Variants in GNB5 observed in about 807,000 individuals in gnomAD.
GNB5 encodes the protein guanine nucleotide-binding protein subunit beta-5.
In GNB5, 37 loss-of-function variants were observed where a neutral mutation model predicts 55.3. The observed-to-expected ratio is 0.67, with a 90% CI of 0.51 to 0.88. The LOEUF is 0.88. GNB5 is among the 40% of genes least tolerant of loss of function. The pLI is 0.00. For missense variants in GNB5, 476 were observed against 515.3 expected, an observed-to-expected ratio of 0.92 and a Z score of 0.74; for synonymous variants, 219 against 198.5, an observed-to-expected ratio of 1.10 and a Z score of -0.87.
chr15:52,137,539 G>A (rs1254342523), intron 7 of GNB5: 35 of 1,021,454 alleles, frequency 3.4e-5, no homozygotes, highest in Non-Finnish European at 4.0e-5. Context: ...GGAAACTCTG[G>A]CAGAGGCCCA....
chr15:52,185,008 G>A (rs1017655989), intron 1 of GNB5, among the ~76,000 whole-genome samples: 12 of 152,206 alleles, frequency 7.9e-5, no homozygotes, highest in African/African-American at 2.9e-4. Context: ...TTTCACAATG[G>A]AAAACGTTTT....
At chr15:52,167,421 G>A (rs932166888) in intron 3 of GNB5, among the ~76,000 whole-genome samples, 4 of 152,178 alleles carry the variant, frequency 2.6e-5, no homozygotes, top group Non-Finnish European at 5.9e-5. Context: ...TGTAATCCCA[G>A]CACTTTGGGA....
intron 9 of GNB5, among the ~76,000 whole-genome samples, chr15:52,131,335 T>C (rs928605068): frequency 6.6e-6 from 1 of 152,234 alleles, no homozygotes; most frequent in Admixed American, 6.5e-5. Flanking sequence ...TTGTAAGTAA[T>C]TGAGAGATGA....
chr15:52,123,714 TG>T (rs2033337884), intron 12 of GNB5: 1 of 152,074 alleles, frequency 6.6e-6, no homozygotes, highest in African/African-American at 2.4e-5. Context: ...GGCTGATTTT[TG>T]TATTTTTAGT....
intron 5 of GNB5, chr15:52,149,681 G>A (rs2034049478): frequency 4.6e-6 from 3 of 649,546 alleles, no homozygotes; most frequent in Non-Finnish European, 8.4e-6. Flanking sequence ...TCCTCTTGGG[G>A]CGAGAGGGGA....
At chr15:52,159,026 AGAT>A (rs1369239579) in intron 3 of GNB5, among the ~76,000 whole-genome samples, 3 of 152,232 alleles carry the variant, frequency 2.0e-5, no homozygotes, top group Non-Finnish European at 4.4e-5. Context: ...AAGGTGAGTC[AGAT>A]GAGAGGAGGT....
Position 52,125,878 on chromosome 15 carries a change from T to C in GNB5, c.1009+70A>G, listed in dbSNP as rs554759530. On this transcript the variant is annotated intron_variant, in intron 11 of 12. Transcript: ENST00000261837. The stretch of plus-strand genomic sequence containing the variant: ...CAGTTGATGAAAAGGAACTGAGCGA[T>C]GATGGAGCGCTAGTTTCATTCTGGT... 5.5e-4 allele frequency: 387 copies of C among 705,252 alleles called. 1 individual carries two copies. The highest frequency in any genetic ancestry group is 8.9e-4 in the Non-Finnish European group (341 of 384,992). The allele number at this position is 705,252 out of a possible 1,614,324, so 43.7% of individuals were successfully genotyped here.
At chr15:52,138,255 C>T (rs891804376) in intron 7 of GNB5, among the ~76,000 whole-genome samples, 14 of 151,876 alleles carry the variant, frequency 9.2e-5, no homozygotes, top group Admixed American at 3.9e-4. Context: ...TAGTGGCTCA[C>T]GCCTGTTGTC....
rs71130134 is a variant in GNB5 at position 52,145,476 on chromosome 15, CAA to C, written c.494+1981_494+1982del. Among the ~76,000 whole-genome samples the C allele has an allele frequency of 4.2e-5, 6 of 144,356 alleles. No homozygotes were observed. The East Asian group carries it at 6.0e-4, about 14-fold the overall frequency. 94.7% of individuals were successfully genotyped at this position (144,356 alleles called of 152,430 possible). On this transcript the variant is annotated intron_variant, in intron 6 of 12. Transcript: ENST00000261837. ...CCAACATGGTAAAACCCCATCTCTG[CAA>C]AAAAAAAAATACAAAAATTAGCCAG...
At chr15:52,140,255 A>G (rs78091590) in intron 7 of GNB5, 4,834 of 163,316 alleles carry the variant, frequency 0.03, 264 homozygotes, top group African/African-American at 0.11. Flanking sequence ...TTTCTCTTTT[A>G]AACAAACCAA....
At chr15:52,186,354 T>G (rs1168297800) in intron 1 of GNB5, among the ~76,000 whole-genome samples, 1 of 152,218 alleles carries the variant, frequency 6.6e-6, no homozygotes, top group Non-Finnish European at 1.5e-5. Flanking sequence ...GAATCTGTCC[T>G]CACTTTGGCT....
chr15:52,177,402 A>G (rs1011860467), intron 3 of GNB5, among the ~76,000 whole-genome samples: 10 of 151,994 alleles, frequency 6.6e-5, no homozygotes, highest in African/African-American at 2.4e-4. Flanking sequence ...TCACACCTGT[A>G]ATCCCAGTAC....
chr15:52,141,036 G>A, intron 7 of GNB5, 104 bp downstream of exon 7: 2 of 892,410 alleles, frequency 2.2e-6, no homozygotes, highest in South Asian at 1.5e-5. Context: ...AACTACTGGA[G>A]CACAGCCATC....
chr15:52,133,606 T>C (rs1202589261), intron 8 of GNB5, 137 bp from the exon 9 acceptor site: 2 of 630,524 alleles, frequency 3.2e-6, no homozygotes, highest in Non-Finnish European at 5.7e-6. Context: ...GAGACTAGCT[T>C]TACCTGAGGG....
chr15:52,125,969 T>C lies in GNB5; in HGVS notation c.988A>G (p.Ser330Gly), dbSNP rs778082099. Residue 330 changes from serine to glycine, a missense_variant, in exon 11 of 13, where the codon AGC becomes GGC. Coordinates refer to ENST00000261837, the MANE Select transcript of GNB5 (RefSeq NM_016194.4). Reference sequence around the variant, plus strand: ...TTACCACTGAGGGAGAAGTCCACGCTGGATGCTCCAAATATGATGCTTTCT... The same window carrying C: ...TTACCACTGAGGGAGAAGTCCACGCCGGATGCTCCAAATATGATGCTTTCT... ...SKESIIFGAS[S>G]VDFSLSGRLL... 1 of 1,538,702 alleles carries C rather than the reference T, an allele frequency of 6.5e-7. No individual in the cohort carries two copies. Among genetic ancestry groups the C allele is most frequent in the Non-Finnish European group, 9.0e-7 (1 of 1,116,582 alleles).
At chr15:52,140,437 A>C (rs966368559) in intron 7 of GNB5, among the ~76,000 whole-genome samples, 3 of 152,156 alleles carry the variant, frequency 2.0e-5, no homozygotes, top group Admixed American at 2.0e-4. Context: ...GGCAGCAGCA[A>C]GTCTGTGACC....
At chr15:52,175,102 C>T (rs571843368) in intron 3 of GNB5, among the ~76,000 whole-genome samples, 1 of 152,150 alleles carries the variant, frequency 6.6e-6, no homozygotes, top group Admixed American at 6.5e-5. Context: ...AACACACATA[C>T]CTAGGGTCCC....
chr15:52,160,894 C>T (rs2034318170), intron 3 of GNB5, among the ~76,000 whole-genome samples: 1 of 152,110 alleles, frequency 6.6e-6, no homozygotes, highest in Non-Finnish European at 1.5e-5. Context: ...TTACTTTGTC[C>T]CAGGGCTACC....
At chr15:52,145,680 A>G (rs541672397) in intron 6 of GNB5, among the ~76,000 whole-genome samples, 2 of 152,130 alleles carry the variant, frequency 1.3e-5, no homozygotes, top group East Asian at 3.9e-4. Context: ...GTATGTGAAC[A>G]TGGGCTCCAA....
Sources: allele counts gnomAD v4.1 joint callset (sites outside exome capture counted in the v4.1 genomes callset), GRCh38; gene constraint gnomAD v4.1.1; transcripts MANE v1.5; gene names NCBI Gene and HGNC (gene_info 2026-07-23, HGNC 2026-07-21).